Variants in ADGRD1 observed in about 807,000 individuals in gnomAD.
ADGRD1 encodes the protein adhesion G protein-coupled receptor D1, also known as G-protein coupled receptor 133.
A neutral mutation model predicts 113.4 loss-of-function variants in ADGRD1; 77 were observed. The ratio of observed to expected loss-of-function variants is 0.68; its 90% confidence interval spans 0.57 to 0.82. The LOEUF (loss-of-function observed/expected upper bound fraction) is 0.82, where lower values mean the gene tolerates loss of function less well. Among genes scored for constraint, ADGRD1 ranks in the 40% least tolerant of loss-of-function variants. The probability of loss-of-function intolerance (pLI) is 0.00; values close to 1 mark genes in which losing one functional copy is unlikely to be tolerated. For synonymous variants in ADGRD1, 474 were observed against 475.0 expected, an observed-to-expected ratio of 1.00 and a Z score of 0.03; for missense variants, 1,036 against 1,139.1, an observed-to-expected ratio of 0.91 and a Z score of 1.30.
At chr12:131,035,297 G>A (rs989027602) in intron 13 of ADGRD1, 1 of 152,428 alleles carries the variant, frequency 6.6e-6, no homozygotes, top group South Asian at 2.1e-4. Context: ...TGTGGCTGTA[G>A]AGTGCACAAT....
chr12:131,122,889 C>T (rs1056936042), intron 20 of ADGRD1, among the ~76,000 whole-genome samples: 2 of 152,118 alleles, frequency 1.3e-5, no homozygotes, highest in Non-Finnish European at 1.5e-5. Flanking sequence ...CCCTGTGTCT[C>T]CCAGCTTCAC....
rs1239244715 is a variant in ADGRD1 at position 131,002,600 on chromosome 12, G to A, written c.1027-585G>A. The A allele has an allele frequency of 5.7e-6, 6 of 1,060,802 alleles. No homozygotes were observed. The Admixed American group carries it at 2.0e-4, about 36-fold the overall frequency. The allele number at this position is 1,060,802 out of a possible 1,614,324, so 65.7% of individuals were successfully genotyped here. A position where few individuals can be genotyped will look rare whatever the true frequency, so the allele number is the denominator to read the frequency against. On this transcript the variant is annotated intron_variant, in intron 9 of 24. Transcript: ENST00000261654. ...TGGTGATGTGTGTCTGAGGATGAGG[G>A]CCCCCTGCTTTCTTGGGGGCAGTGT...
At chr12:131,133,488 G>A (rs1197614166) in intron 21 of ADGRD1, among the ~76,000 whole-genome samples, 6 of 152,328 alleles carry the variant, frequency 3.9e-5, no homozygotes, top group Non-Finnish European at 7.4e-5. Context: ...TCGAGGTAGC[G>A]TGCCCCGGGA....
chr12:130,997,075 T>G (rs1211348734), intron 8 of ADGRD1, among the ~76,000 whole-genome samples: 3 of 101,772 alleles, frequency 2.9e-5, no homozygotes, highest in Admixed American at 9.5e-5. Flanking sequence ...CACTTCCCAG[T>G]AGGGGCGGCC....
At chr12:131,032,283 A>T (rs772877959) in intron 13 of ADGRD1, among the ~76,000 whole-genome samples, 36 of 152,212 alleles carry the variant, frequency 2.4e-4, no homozygotes, top group Non-Finnish European at 8.8e-5. Context: ...ATTCAAAGAC[A>T]GTCTCACAGG....
intron 13 of ADGRD1, among the ~76,000 whole-genome samples, chr12:131,039,793 T>G (rs1881932534): frequency 6.6e-6 from 1 of 152,242 alleles, no homozygotes; most frequent in East Asian, 1.9e-4. Context: ...AACAGGGCTT[T>G]CTGCTTTAAA....
rs914682378 is a variant in ADGRD1 at position 131,089,677 on chromosome 12, C to T, written c.1671+5014C>T. On this transcript the variant is annotated intron_variant, in intron 15 of 24. Coordinates refer to ENST00000261654, the MANE Select transcript of ADGRD1 (RefSeq NM_198827.5). ...AAGGTGCTCCCTGCCTATGGGGGCT[C>T]CCTGCCTGTGGATGCTCCCTGCCTC... Among the ~76,000 whole-genome samples, 12 of 152,214 alleles carry T rather than the reference C, an allele frequency of 7.9e-5. No individual in the cohort carries two copies. In the South Asian group the frequency reaches 8.3e-4, roughly 11 times the overall value.
chr12:131,103,422 C>G (rs992767935), intron 15 of ADGRD1, among the ~76,000 whole-genome samples: 3 of 152,284 alleles, frequency 2.0e-5, no homozygotes, highest in South Asian at 2.1e-4. Context: ...TGCCCCTACC[C>G]CAGCCCCACG....
At chr12:131,017,331 ACAGTCCACACACACC>A (rs1409045836) in intron 13 of ADGRD1, among the ~76,000 whole-genome samples, 11 of 142,620 alleles carry the variant, frequency 7.7e-5, no homozygotes, top group East Asian at 2.1e-4. Flanking sequence ...CCCAGTGCAC[ACAGTCCACACACACC>A]CAGTCCACAC....
At chr12:130,997,719 A>G (rs1226212180) in intron 8 of ADGRD1, among the ~76,000 whole-genome samples, 1 of 146,278 alleles carries the variant, frequency 6.8e-6, no homozygotes, top group African/African-American at 2.6e-5. Context: ...CACTTTCCAG[A>G]CTGGGCAGCC....
chr12:131,011,141 CCCACCTCACCCCTTCCCCACCCT>C, intron 12 of ADGRD1, among the ~76,000 whole-genome samples: 1 of 132,988 alleles, frequency 7.5e-6, no homozygotes, highest in African/African-American at 2.8e-5. Context: ...CCCACCCTGC[CCCACCTCACCCCTTCCCCACCCT>C]GCCCCACCTC....
intron 13 of ADGRD1, among the ~76,000 whole-genome samples, chr12:131,038,128 C>A (rs954928898): frequency 6.6e-6 from 1 of 152,244 alleles, no homozygotes; most frequent in African/African-American, 2.4e-5. Flanking sequence ...CTCACTGCAT[C>A]ATTTGGGGGT....
intron 20 of ADGRD1, among the ~76,000 whole-genome samples, chr12:131,130,909 G>C (rs1163659254): frequency 6.6e-6 from 1 of 152,360 alleles, no homozygotes; most frequent in African/African-American, 2.4e-5. Flanking sequence ...CCTGTTCATT[G>C]CCTGAAAGTT....
chr12:131,089,381 G>A (rs1011791203), intron 15 of ADGRD1, among the ~76,000 whole-genome samples: 7 of 152,248 alleles, frequency 4.6e-5, no homozygotes, highest in African/African-American at 1.7e-4. Flanking sequence ...GCTCTGCAGA[G>A]TGGGCACCGG....
At chr12:131,058,434 T>C (rs773525862) in intron 13 of ADGRD1, among the ~76,000 whole-genome samples, 1 of 152,220 alleles carries the variant, frequency 6.6e-6, no homozygotes, top group Non-Finnish European at 1.5e-5. Context: ...CCGTACACAT[T>C]TGCAGGCTGG....
chr12:131,116,209 C>CT (rs1950459608), intron 18 of ADGRD1, among the ~76,000 whole-genome samples: 1 of 152,180 alleles, frequency 6.6e-6, no homozygotes, highest in Non-Finnish European at 1.5e-5. Flanking sequence ...CTGCTGGACA[C>CT]AGGGGTAGAT....
intron 13 of ADGRD1, among the ~76,000 whole-genome samples, chr12:131,032,387 G>A (rs376508943): frequency 8.5e-5 from 13 of 152,352 alleles, no homozygotes; most frequent in Admixed American, 3.3e-4. Flanking sequence ...AAAATTCAGC[G>A]TAGTAGGAGG....
At chr12:130,980,109 C>CT (rs1294294152) in intron 4 of ADGRD1, among the ~76,000 whole-genome samples, 1,865 of 144,774 alleles carry the variant, frequency 0.013, 33 homozygotes, top group African/African-American at 0.04. Context: ...TGCGGTTCCT[C>CT]TTTTTTTTTT....
chr12:131,028,347 T>G (rs1880217409), intron 13 of ADGRD1, among the ~76,000 whole-genome samples: 1 of 152,246 alleles, frequency 6.6e-6, no homozygotes, highest in African/African-American at 2.4e-5. Context: ...ATTTTGAGTA[T>G]GAGTCATTTG....
Sources: gnomAD v4.1 joint callset for allele counts (sites outside exome capture counted in the v4.1 genomes callset) on GRCh38, gnomAD v4.1.1 for gene constraint, MANE v1.5 for transcripts, NCBI Gene and HGNC (gene_info 2026-07-23, HGNC 2026-07-21) for gene names.